Variants in GRIA1 observed in about 807,000 individuals in gnomAD.
GRIA1 encodes glutamate receptor 1.
GRIA1 carries 31 observed loss-of-function variants against 99.2 expected under a neutral mutation model. The observed-to-expected ratio is 0.31, with a 90% confidence interval of 0.23 to 0.42. GRIA1 has a LOEUF of 0.42. Among genes scored for constraint, GRIA1 ranks in the 10% least tolerant of loss-of-function variants. The pLI is 1.00. For synonymous variants in GRIA1, 438 were observed against 432.4 expected (o/e 1.01, Z -0.16); for missense variants, 782 against 1,157.5 (o/e 0.68, Z 4.71).
chr5:153,714,114 G>A (rs1759505641), intron 11 of GRIA1, among the ~76,000 whole-genome samples: 1 of 152,218 alleles, frequency 6.6e-6, no homozygotes, highest in South Asian at 2.1e-4. Context: ...CATAGGAGTG[G>A]AAGTCAGCCG....
chr5:153,717,843 C>T (rs1236695544), intron 11 of GRIA1, among the ~76,000 whole-genome samples: 1 of 152,124 alleles, frequency 6.6e-6, no homozygotes, highest in Non-Finnish European at 1.5e-5. Flanking sequence ...CACTGGCCAC[C>T]GCTGCTGCCA....
intron 2 of GRIA1, among the ~76,000 whole-genome samples, chr5:153,527,851 A>G (rs528186147): frequency 6.6e-6 from 1 of 152,328 alleles, no homozygotes; most frequent in Admixed American, 6.5e-5. Context: ...TTCTGTGAGC[A>G]ATTGCAAGTG....
At chr5:153,663,719 G>A (rs1245626456) in intron 5 of GRIA1, among the ~76,000 whole-genome samples, 1 of 152,064 alleles carries the variant, frequency 6.6e-6, no homozygotes, top group Admixed American at 6.6e-5. Flanking sequence ...GTTTTCAAAA[G>A]GAAAAAAATC....
chr5:153,595,598 T>TTATATCAATAATCCA (rs1377373798), intron 2 of GRIA1, among the ~76,000 whole-genome samples: 2 of 151,972 alleles, frequency 1.3e-5, no homozygotes, highest in Non-Finnish European at 2.9e-5. Flanking sequence ...AGTCATTTAT[T>TTATATCAATAATCCA]TATATCAATA....
At chr5:153,778,782 G>A (rs752239997) in intron 13 of GRIA1, among the ~76,000 whole-genome samples, 1 of 151,820 alleles carries the variant, frequency 6.6e-6, no homozygotes, top group Non-Finnish European at 1.5e-5. Context: ...ACAGCAGAAA[G>A]CTTTCTTTCT....
At chr5:153,742,302 A>G (rs1761861078) in intron 11 of GRIA1, among the ~76,000 whole-genome samples, 1 of 152,206 alleles carries the variant, frequency 6.6e-6, no homozygotes, top group African/African-American at 2.4e-5. Context: ...GCGGTGGATG[A>G]CTAACAATAG....
chr5:153,737,194 C>G (rs1761438138), intron 11 of GRIA1, among the ~76,000 whole-genome samples: 1 of 149,532 alleles, frequency 6.7e-6, no homozygotes, highest in Non-Finnish European at 1.5e-5. Flanking sequence ...TTATCCAGTA[C>G]CTGAAAGCAT....
intron 11 of GRIA1, among the ~76,000 whole-genome samples, chr5:153,741,406 A>T (rs926741839): frequency 6.6e-6 from 1 of 152,246 alleles, no homozygotes; most frequent in African/African-American, 2.4e-5. Flanking sequence ...TTCTAGGGGT[A>T]CTTATACAAT....
chr5:153,648,815 A>G (rs530415189), intron 3 of GRIA1, among the ~76,000 whole-genome samples: 1 of 150,960 alleles, frequency 6.6e-6, no homozygotes, highest in African/African-American at 2.4e-5. Context: ...TCAAAATAAT[A>G]TCTGTGAATA....
chr5:153,518,626 AT>A (rs1323295463), intron 2 of GRIA1, among the ~76,000 whole-genome samples: 2 of 152,242 alleles, frequency 1.3e-5, no homozygotes, highest in African/African-American at 2.4e-5. Context: ...AATCATGTGT[AT>A]ACATGTACAA....
intron 2 of GRIA1, among the ~76,000 whole-genome samples, chr5:153,615,976 A>G (rs1431453149): frequency 2.0e-5 from 3 of 152,152 alleles, no homozygotes; most frequent in Non-Finnish European, 2.9e-5. Flanking sequence ...TACTAGAACT[A>G]CAAGACTTTG....
At chr5:153,706,231 G>T (rs1351444751) in intron 11 of GRIA1, 164 bp downstream of exon 11, 10 of 686,614 alleles carry the variant, frequency 1.5e-5, no homozygotes, top group East Asian at 5.5e-5. Flanking sequence ...GCACGCTGTG[G>T]ATTATCTGGA....
At chr5:153,808,193 C>A (rs1350803) in intron 15 of GRIA1, among the ~76,000 whole-genome samples, 15,065 of 152,142 alleles carry the variant, frequency 0.099, 906 homozygotes, top group Non-Finnish European at 0.12. Flanking sequence ...TCCCAAAGGG[C>A]CAATTTTAGG....
In GRIA1 at chr5:153,680,200, A is replaced by G. The variant is rs1021949751; in HGVS notation, c.1029+3039A>G. 2.6e-5 allele frequency among the ~76,000 whole-genome samples: 4 copies of G among 152,118 alleles called. No homozygotes were observed. In the East Asian group the frequency reaches 5.9e-4, roughly 22 times the overall value. The stretch of plus-strand genomic sequence containing the variant: ...GCTATGGCCCAGCCCCCAGCAGCAC[A>G]TGGCCTTGGGTAATATCTGTGCACC... On this transcript the variant is annotated intron_variant, in intron 7 of 15. Transcript: ENST00000285900.
intron 2 of GRIA1, among the ~76,000 whole-genome samples, chr5:153,630,109 C>A (rs2149434378): frequency 6.6e-6 from 1 of 152,014 alleles, no homozygotes. Flanking sequence ...TGTTAAATGG[C>A]AATAATAATA....
intron 11 of GRIA1, among the ~76,000 whole-genome samples, chr5:153,757,781 C>G (rs1284764276): frequency 1.3e-5 from 2 of 152,172 alleles, no homozygotes; most frequent in Non-Finnish European, 2.9e-5. Flanking sequence ...CACCATCAGA[C>G]AGTCTTACTA....
intron 11 of GRIA1, among the ~76,000 whole-genome samples, chr5:153,748,196 TAA>T (rs1762280224): frequency 6.6e-6 from 1 of 151,972 alleles, no homozygotes; most frequent in African/African-American, 2.4e-5. Flanking sequence ...ATGAAAAAAA[TAA>T]GAGAAAAGAT....
intron 10 of GRIA1, among the ~76,000 whole-genome samples, chr5:153,700,768 T>C (rs984516726): frequency 3.9e-5 from 6 of 152,158 alleles, no homozygotes; most frequent in African/African-American, 1.2e-4. Flanking sequence ...AGGAAGATGA[T>C]AAATCTTGTT....
chr5:153,756,406 C>T (rs1762829712), intron 11 of GRIA1, among the ~76,000 whole-genome samples: 1 of 152,202 alleles, frequency 6.6e-6, no homozygotes, highest in South Asian at 2.1e-4. Flanking sequence ...GCTTTAGTTC[C>T]ACTTAAACTG....
Sources: gnomAD v4.1 joint callset for allele counts (sites outside exome capture counted in the v4.1 genomes callset) on GRCh38, gnomAD v4.1.1 for gene constraint, MANE v1.5 for transcripts, NCBI Gene and HGNC (gene_info 2026-07-23, HGNC 2026-07-21) for gene names.